PCDH15: variants seen among roughly 807,000 people sequenced by gnomAD.
PCDH15 encodes protocadherin-15.
In PCDH15, 129 loss-of-function variants were observed where a neutral mutation model predicts 178.5. The ratio of observed to expected loss-of-function variants is 0.72; its 90% CI spans 0.63 to 0.84. PCDH15 has a LOEUF of 0.84. Ranked by LOEUF, PCDH15 falls within the 40% of genes least tolerant of loss-of-function variation. PCDH15 has a pLI of 0.00. For missense variants in PCDH15, 2,230 were observed against 2,099.9 expected (o/e 1.06, Z -1.21); for synonymous variants, 800 against 732.0 (o/e 1.09, Z -1.50).
At chr10:54,538,721 T>C (rs1365529326) in intron 2 of PCDH15, among the ~76,000 whole-genome samples, 1 of 152,164 alleles carries the variant, frequency 6.6e-6, no homozygotes, top group Non-Finnish European at 1.5e-5. Context: ...TCTGGTTGTT[T>C]TGAAGTATGT....
At chr10:53,825,230 G>T in intron 32 of PCDH15, 2 of 1,411,400 alleles carry the variant, frequency 1.4e-6, no homozygotes, top group South Asian at 3.1e-5. Flanking sequence ...CTGAAAATAT[G>T]AGCAGGAACT....
At chr10:54,757,891 A>G (rs1386165418) in intron 1 of PCDH15, among the ~76,000 whole-genome samples, 1 of 152,152 alleles carries the variant, frequency 6.6e-6, no homozygotes, top group Non-Finnish European at 1.5e-5. Flanking sequence ...CATCAAAAGA[A>G]ACAGATTCCT....
chr10:54,997,953 G>A (rs754751059), intron 2 of PCDH15, among the ~76,000 whole-genome samples: 4 of 152,074 alleles, frequency 2.6e-5, no homozygotes, highest in Non-Finnish European at 5.9e-5. Flanking sequence ...TTTTAAAATT[G>A]TAGAATGTTC....
At chr10:55,228,886 A>G (rs1181280193) in intron 1 of PCDH15, among the ~76,000 whole-genome samples, 1 of 151,908 alleles carries the variant, frequency 6.6e-6, no homozygotes, top group Admixed American at 6.6e-5. Flanking sequence ...CCATCACAAT[A>G]CCTTAATAAT....
intron 2 of PCDH15, among the ~76,000 whole-genome samples, chr10:55,131,144 T>C (rs933568935): frequency 2.6e-5 from 4 of 152,186 alleles, no homozygotes; most frequent in Non-Finnish European, 5.9e-5. Flanking sequence ...CATTACTGTG[T>C]CATACAGAAT....
chr10:55,293,387 C>T (rs1843057873), intron 1 of PCDH15, among the ~76,000 whole-genome samples: 1 of 152,192 alleles, frequency 6.6e-6, no homozygotes, highest in Admixed American at 6.5e-5. Context: ...GACATTTTCC[C>T]CATTTCTTGG....
chr10:54,446,987 C>A (rs867513161), intron 3 of PCDH15, among the ~76,000 whole-genome samples: 1 of 151,670 alleles, frequency 6.6e-6, no homozygotes, highest in Non-Finnish European at 1.5e-5. Flanking sequence ...GAAACACAAA[C>A]TTCCCCATTG....
chr10:54,665,806 A>C lies in PCDH15; in HGVS notation c.-28-1516T>G, dbSNP rs1389622539. Reference sequence around the variant, plus strand: ...AACTGGCAAAGTGCTTGGCGCGTGCATTTATAATTTCTAGGGACAGAAAGC... The same window carrying C: ...AACTGGCAAAGTGCTTGGCGCGTGCCTTTATAATTTCTAGGGACAGAAAGC... On this transcript the variant is annotated intron_variant, in intron 1 of 37. Coordinates refer to ENST00000644397, the MANE Select transcript of PCDH15 (RefSeq NM_001384140.1). 3.9e-5 allele frequency among the ~76,000 whole-genome samples: 6 copies of C among 152,106 alleles called. No individual in the cohort carries two copies. In the East Asian group the frequency reaches 1.2e-3, roughly 29 times the overall value.
rs75880623 is a variant in PCDH15, at chr10:54,720,601, C to T, written c.-28-56311G>A. On this transcript the variant is annotated intron_variant, in intron 1 of 37. Transcript: ENST00000644397. Reference sequence around the variant, plus strand: ...GATGAAATAGTCTTTCCAAGACAAACGAAAGGAATTCATTACTACCAGATC... The same window carrying T: ...GATGAAATAGTCTTTCCAAGACAAATGAAAGGAATTCATTACTACCAGATC... Among the ~76,000 whole-genome samples, 1,426 of 151,814 alleles carry T rather than the reference C, an allele frequency of 9.4e-3. 15 individuals carry two copies. Among genetic ancestry groups the T allele is most frequent in the African/African-American group, 0.03 (1,229 of 41,416 alleles).
chr10:54,032,679 T>A (rs369755914), intron 18 of PCDH15, among the ~76,000 whole-genome samples: 2 of 152,124 alleles, frequency 1.3e-5, no homozygotes, highest in Non-Finnish European at 1.5e-5. Context: ...TAACTACTTA[T>A]TAAACTTTGT....
chr10:55,562,005 A>C (rs951498219), intron 2 of PCDH15, among the ~76,000 whole-genome samples: 1 of 151,988 alleles, frequency 6.6e-6, no homozygotes, highest in Non-Finnish European at 1.5e-5. Flanking sequence ...AAGCTTCTAC[A>C]GTTGTGCTTT....
At chr10:54,431,797 G>C (rs1426046058) in intron 3 of PCDH15, among the ~76,000 whole-genome samples, 1 of 152,024 alleles carries the variant, frequency 6.6e-6, no homozygotes, top group Non-Finnish European at 1.5e-5. Context: ...ACCCCAACTG[G>C]AAAGAAATAA....
chr10:54,793,981 T>A (rs1193322174), intron 1 of PCDH15, among the ~76,000 whole-genome samples: 1 of 148,470 alleles, frequency 6.7e-6, no homozygotes, highest in Non-Finnish European at 1.5e-5. Context: ...TTTTTTTTCA[T>A]TATACTCACA....
intron 2 of PCDH15, among the ~76,000 whole-genome samples, chr10:55,142,504 C>G (rs1838381312): frequency 6.6e-6 from 1 of 150,830 alleles, no homozygotes; most frequent in African/African-American, 2.4e-5. Flanking sequence ...TTCAGGTATT[C>G]TCATTCACAG....
intron 1 of PCDH15, 54 bp from the exon 2 acceptor site, chr10:54,664,344 A>G: frequency 9.0e-7 from 1 of 1,106,366 alleles, no homozygotes; most frequent in Non-Finnish European, 1.3e-6. Context: ...AATCTGTTAT[A>G]GGTAAACACA....
At chr10:53,814,747 C>A (rs1353658702) in intron 35 of PCDH15, among the ~76,000 whole-genome samples, 5 of 152,078 alleles carry the variant, frequency 3.3e-5, no homozygotes, top group Admixed American at 3.3e-4. Flanking sequence ...GGGCGGATCA[C>A]AAGGTCGAGA....
chr10:54,617,349 CTAACT>C (rs1043100275), intron 2 of PCDH15, among the ~76,000 whole-genome samples: 5 of 151,996 alleles, frequency 3.3e-5, no homozygotes, highest in Non-Finnish European at 4.4e-5. Context: ...TCGTAATTAC[CTAACT>C]TATTTGTGAA....
At chr10:54,009,363 G>T (rs1449672855) in intron 20 of PCDH15, among the ~76,000 whole-genome samples, 1 of 151,754 alleles carries the variant, frequency 6.6e-6, no homozygotes, top group African/African-American at 2.4e-5. Context: ...CTCCCAACAG[G>T]TTTAGGGTGT....
chr10:54,895,924 T>C (rs891618471), intron 3 of PCDH15, among the ~76,000 whole-genome samples: 1 of 151,332 alleles, frequency 6.6e-6, no homozygotes, highest in Admixed American at 6.6e-5. Context: ...TCTCACTCTG[T>C]TGCCCAGGCT....
Sources: allele counts gnomAD v4.1 joint callset (sites outside exome capture counted in the v4.1 genomes callset), GRCh38; gene constraint gnomAD v4.1.1; transcripts MANE v1.5; gene names NCBI Gene and HGNC (gene_info 2026-07-23, HGNC 2026-07-21).